SLC24A4: variants seen among roughly 807,000 people sequenced by gnomAD.
SLC24A4 encodes the protein sodium/potassium/calcium exchanger 4.
In SLC24A4, 53 loss-of-function variants were observed where a neutral mutation model predicts 79.0. The observed-to-expected ratio is 0.67, with a 90% confidence interval of 0.54 to 0.84. The LOEUF is 0.84. SLC24A4 is among the 40% of genes least tolerant of loss of function. The pLI, the probability that SLC24A4 is intolerant of heterozygous loss-of-function variation, is 0.00. For missense variants in SLC24A4, 731 were observed against 822.0 expected (o/e 0.89, Z 1.35); for synonymous variants, 323 against 323.8 (o/e 1.00, Z 0.03).
At chr14:92,436,953 A>G (rs1000704806) in intron 3 of SLC24A4, among the ~76,000 whole-genome samples, 1 of 152,210 alleles carries the variant, frequency 6.6e-6, no homozygotes, top group Admixed American at 6.5e-5. Flanking sequence ...GATGAGTCAA[A>G]TCCAGTAGAT....
intron 2 of SLC24A4, among the ~76,000 whole-genome samples, chr14:92,373,534 CTCT>C (rs1187200523): frequency 6.6e-6 from 1 of 152,140 alleles, no homozygotes; most frequent in Non-Finnish European, 1.5e-5. Flanking sequence ...ATGAAATGTC[CTCT>C]GAGTGTGAGC....
At chr14:92,341,179 G>C (rs959945605) in intron 2 of SLC24A4, among the ~76,000 whole-genome samples, 2 of 152,216 alleles carry the variant, frequency 1.3e-5, no homozygotes, top group African/African-American at 4.8e-5. Context: ...TTCATGTGTA[G>C]ATGAACACCT....
chr14:92,341,081 G>A (rs1435813406), intron 2 of SLC24A4, among the ~76,000 whole-genome samples: 1 of 152,212 alleles, frequency 6.6e-6, no homozygotes, highest in Non-Finnish European at 1.5e-5. Flanking sequence ...TGCTCATCCC[G>A]AAAGAGGATG....
chr14:92,438,292 T>G (rs1892288737), intron 3 of SLC24A4, among the ~76,000 whole-genome samples: 1 of 152,134 alleles, frequency 6.6e-6, no homozygotes. Flanking sequence ...ATTTACCAAT[T>G]TATTATAAAG....
Position 92,323,760 on chromosome 14 carries a change from C to A in SLC24A4, c.-71C>A. ...CGCCTGCTCCAGCCCCAGCGCCGCT[C>A]GGCCACTGATTGCACTCTGGCCGCT... On this transcript the variant is annotated 5_prime_UTR_variant, in exon 1 of 17. Coordinates refer to ENST00000532405, the MANE Select transcript of SLC24A4 (RefSeq NM_153646.4). This position sits in a 1 kb window ranked among gnomAD's most constrained non-coding sequence, Gnocchi z 4.9. 6.7e-7 allele frequency: 1 copy of A among 1,493,538 alleles called. No homozygotes were observed. The highest frequency in any genetic ancestry group is 1.3e-5 in the South Asian group (1 of 77,312). 92.5% of individuals were successfully genotyped at this position (1,493,538 alleles called of 1,614,324 possible).
chr14:92,390,552 C>T (rs1889406490), intron 2 of SLC24A4, among the ~76,000 whole-genome samples: 1 of 152,068 alleles, frequency 6.6e-6, no homozygotes, highest in Non-Finnish European at 1.5e-5. Context: ...CCTTCAAAGC[C>T]CTGAATTTGA....
In SLC24A4 at chr14:92,496,147, T is replaced by C. The variant is rs1226964423; in HGVS notation, c.*2519T>C. The C allele has an allele frequency of 1.3e-5, 2 of 152,556 alleles. No individual in the cohort carries two copies. The allele number at this position is 152,556 out of a possible 1,614,324, so 9.5% of individuals were successfully genotyped here. On this transcript the variant is annotated 3_prime_UTR_variant, in exon 17 of 17. Transcript: ENST00000532405. ...GTTGCAGTTAGAAACTAAAATAATG[T>C]TTTTTAATATGTAATATGCTCCTCT...
chr14:92,446,511 A>C (rs1403459985), intron 8 of SLC24A4, among the ~76,000 whole-genome samples: 1 of 152,146 alleles, frequency 6.6e-6, no homozygotes, highest in Admixed American at 6.5e-5. Flanking sequence ...GCTGTGTGCT[A>C]TGGGCCCCCA....
intron 12 of SLC24A4, 105 bp downstream of exon 12, chr14:92,456,713 G>A: frequency 8.5e-7 from 1 of 1,181,728 alleles, no homozygotes; most frequent in Non-Finnish European, 1.2e-6. Context: ...GGGCGGCAGA[G>A]GGCTGGTGCA....
At chr14:92,432,059 C>G (rs1219603109) in intron 2 of SLC24A4, among the ~76,000 whole-genome samples, 2 of 152,154 alleles carry the variant, frequency 1.3e-5, no homozygotes, top group Non-Finnish European at 2.9e-5. Flanking sequence ...CAAGATGTAC[C>G]AGGAAGGTGT....
intron 12 of SLC24A4, among the ~76,000 whole-genome samples, chr14:92,474,468 C>G (rs1194113647): frequency 4.0e-5 from 6 of 151,890 alleles, no homozygotes; most frequent in Non-Finnish European, 5.9e-5. Context: ...CAGCTCCATG[C>G]CACATTTGTT....
At chr14:92,466,854 T>C (rs1894158320) in intron 12 of SLC24A4, among the ~76,000 whole-genome samples, 2 of 152,252 alleles carry the variant, frequency 1.3e-5, no homozygotes, top group African/African-American at 4.8e-5. Flanking sequence ...TTGTCTATGA[T>C]GCTTCAGTCA....
intron 12 of SLC24A4, chr14:92,462,709 C>G (rs1182090746): frequency 6.6e-6 from 1 of 152,152 alleles, no homozygotes; most frequent in Non-Finnish European, 1.5e-5. Context: ...AGACAGGGTG[C>G]TTTATACACA....
chr14:92,393,545 C>CTTTTTTTTTTTT (rs5810597), intron 2 of SLC24A4, among the ~76,000 whole-genome samples: 1 of 112,500 alleles, frequency 8.9e-6, no homozygotes, highest in Non-Finnish European at 1.7e-5. Flanking sequence ...AAGACACACT[C>CTTTTTTTTTTTT]TTTTTTTTTT....
At chr14:92,463,331 C>T (rs993367356) in intron 12 of SLC24A4, among the ~76,000 whole-genome samples, 2 of 152,144 alleles carry the variant, frequency 1.3e-5, no homozygotes, top group African/African-American at 4.8e-5. Context: ...CCTTCCTGTC[C>T]TTTCCTCTTA....
At chr14:92,459,580 T>C (rs1039695861) in intron 12 of SLC24A4, among the ~76,000 whole-genome samples, 3 of 152,132 alleles carry the variant, frequency 2.0e-5, no homozygotes, top group African/African-American at 7.2e-5. Flanking sequence ...CTCCCTGCCC[T>C]CAGGAATAGG....
intron 2 of SLC24A4, among the ~76,000 whole-genome samples, chr14:92,348,422 A>G (rs912883521): frequency 6.6e-6 from 1 of 152,216 alleles, no homozygotes; most frequent in Admixed American, 6.5e-5. Flanking sequence ...TTCTATAGCA[A>G]CTGCTCCACT....
At chr14:92,351,920 A>AAGGAAAGGAAGGAAAGGAAAGGAAAGGG in intron 2 of SLC24A4, among the ~76,000 whole-genome samples, 1 of 150,688 alleles carries the variant, frequency 6.6e-6, no homozygotes, top group African/African-American at 2.4e-5. Context: ...GAAAGGAAGG[A>AAGGAAAGGAAGGAAAGGAAAGGAAAGGG]AAGGAAAGGA....
intron 2 of SLC24A4, among the ~76,000 whole-genome samples, chr14:92,374,984 A>T (rs1277057994): frequency 1.3e-5 from 2 of 152,250 alleles, no homozygotes; most frequent in Non-Finnish European, 2.9e-5. Flanking sequence ...CAAAATTATA[A>T]CAATAACCTA....
Sources: allele counts gnomAD v4.1 joint callset (sites outside exome capture counted in the v4.1 genomes callset), GRCh38; gene constraint gnomAD v4.1.1; non-coding constraint Gnocchi (gnomAD v3.1); transcripts MANE v1.5; gene names NCBI Gene and HGNC (gene_info 2026-07-23, HGNC 2026-07-21).